The following VIPR2 variants were observed in gnomAD, a reference collection of about 807,000 sequenced individuals.
VIPR2 encodes the protein vasoactive intestinal polypeptide receptor 2.
A neutral mutation model predicts 58.0 loss-of-function variants in VIPR2; 48 were observed. The ratio of observed to expected loss-of-function variants is 0.83; its 90% CI spans 0.66 to 1.05. The LOEUF (loss-of-function observed/expected upper bound fraction) is 1.05. Among genes scored for constraint, VIPR2 ranks in the 50% least tolerant of loss-of-function variants. The pLI, the probability that VIPR2 is intolerant of heterozygous loss-of-function variation, is 0.00. For synonymous variants in VIPR2, 243 were observed against 235.2 expected (o/e 1.03, Z -0.30); for missense variants, 534 against 558.0 (o/e 0.96, Z 0.43).
At chr7:159,118,796 C>T (rs1796342557) in intron 2 of VIPR2, among the ~76,000 whole-genome samples, 1 of 152,266 alleles carries the variant, frequency 6.6e-6, no homozygotes, top group Admixed American at 6.5e-5. Context: ...CTCCCACGGT[C>T]ACTTGGCGCG....
intron 1 of VIPR2, chr7:159,144,379 G>C: frequency 6.5e-7 from 1 of 1,543,560 alleles, no homozygotes; most frequent in Non-Finnish European, 8.7e-7. Context: ...GCCCGCGCAG[G>C]CGCCCGCAGC....
rs1858004232 is a variant in VIPR2 at position 159,098,581 on chromosome 7, C to G, written c.357+5176G>C. On this transcript the variant is annotated intron_variant, in intron 4 of 12. Coordinates refer to ENST00000262178, the MANE Select transcript of VIPR2 (RefSeq NM_003382.5). This position sits in a 1 kb window ranked among gnomAD's most constrained non-coding sequence, Gnocchi z 5.2. Reference sequence around the variant, plus strand: ...ACCATGGCCACGGCTGGTGCGGCCCCTTGGGCTCCAGGTCCAGATGAGATG... The same window carrying G: ...ACCATGGCCACGGCTGGTGCGGCCCGTTGGGCTCCAGGTCCAGATGAGATG... Among the ~76,000 whole-genome samples the G allele has an allele frequency of 6.6e-6, 1 of 152,090 alleles. No homozygotes were observed. Among genetic ancestry groups the G allele is most frequent in the African/African-American group, 2.4e-5 (1 of 41,410 alleles).
intron 4 of VIPR2, among the ~76,000 whole-genome samples, chr7:159,076,823 A>G (rs1357523799): frequency 6.6e-6 from 1 of 152,268 alleles, no homozygotes; most frequent in Non-Finnish European, 1.5e-5. Flanking sequence ...TTTTAAAAAA[A>G]GAAAAGGATA....
At chr7:159,030,846 T>C in intron 12 of VIPR2, 57 bp from the exon 13 acceptor site, 2 of 1,433,510 alleles carry the variant, frequency 1.4e-6, no homozygotes, top group Non-Finnish European at 9.2e-7. Flanking sequence ...GGGCGGCTGC[T>C]ATGGGAAGCG....
intron 4 of VIPR2, among the ~76,000 whole-genome samples, chr7:159,070,349 T>C (rs1856317920): frequency 6.6e-6 from 1 of 152,044 alleles, no homozygotes; most frequent in Non-Finnish European, 1.5e-5. Context: ...TTTTTTTTTT[T>C]AGATTTTCTT....
chr7:159,065,866 A>G (rs1255198509), intron 4 of VIPR2, among the ~76,000 whole-genome samples: 1 of 152,148 alleles, frequency 6.6e-6, no homozygotes, highest in Non-Finnish European at 1.5e-5. Flanking sequence ...TGACCCACAC[A>G]TTGCGTTTAG....
In VIPR2 at chr7:159,063,172, T is replaced by A. The variant is rs115410048; in HGVS notation, c.358-4594A>T. Among the ~76,000 whole-genome samples, 9 of 152,058 alleles carry A rather than the reference T, an allele frequency of 5.9e-5. No homozygotes were observed. The South Asian group carries it at 1.9e-3, about 32-fold the overall frequency. On this transcript the variant is annotated intron_variant, in intron 4 of 12. Coordinates refer to ENST00000262178, the MANE Select transcript of VIPR2 (RefSeq NM_003382.5). ...CCCTTGGGTGGTCCATGGGACCAGG[T>A]GCCGCGGAGCAGGGGGCGGCACTTG... is the stretch of plus-strand genomic sequence containing the variant.
intron 4 of VIPR2, among the ~76,000 whole-genome samples, chr7:159,084,420 T>A (rs2129495035): frequency 6.6e-6 from 1 of 152,318 alleles, no homozygotes; most frequent in Admixed American, 6.5e-5. Context: ...AGACAGGATG[T>A]GGGGGCCCCT....
chr7:159,058,729 C>G lies in VIPR2; in HGVS notation c.358-151G>C, dbSNP rs1205483114. 1.7e-6 allele frequency: 1 copy of G among 604,732 alleles called. No individual in the cohort carries two copies. The highest frequency in any genetic ancestry group is 1.8e-5 in the African/African-American group (1 of 54,186). The allele number at this position is 604,732 out of a possible 1,614,324, so 37.5% of individuals were successfully genotyped here. Reference sequence around the variant, plus strand: ...ATAGTCTCGCTTTATAATTCCACCTCCATTTTGAACCAAAAAATGACACCC... The same window carrying G: ...ATAGTCTCGCTTTATAATTCCACCTGCATTTTGAACCAAAAAATGACACCC... On this transcript the variant is annotated intron_variant, in intron 4 of 12. Transcript: ENST00000262178.
intron 6 of VIPR2, among the ~76,000 whole-genome samples, chr7:159,042,785 G>C (rs1272359266): frequency 6.6e-6 from 1 of 152,162 alleles, no homozygotes; most frequent in Non-Finnish European, 1.5e-5. Context: ...CAGGGCTCAG[G>C]GCCCTTTCAC....
chr7:159,110,619 A>G (rs1290760462), intron 2 of VIPR2, among the ~76,000 whole-genome samples: 10 of 152,216 alleles, frequency 6.6e-5, no homozygotes, highest in Admixed American at 6.5e-4. Flanking sequence ...TATTTATACT[A>G]TATTTGAGAC....
At chr7:159,078,953 C>T (rs143177576) in intron 4 of VIPR2, among the ~76,000 whole-genome samples, 87 of 152,240 alleles carry the variant, frequency 5.7e-4, no homozygotes, top group African/African-American at 2.0e-3. Flanking sequence ...CGCTCCAGTG[C>T]CCACTGACTC....
chr7:159,144,350 T>C (rs1585584111), intron 1 of VIPR2: 1 of 1,536,796 alleles, frequency 6.5e-7, no homozygotes, highest in South Asian at 1.2e-5. Flanking sequence ...CCAACCCCGA[T>C]CTCCCCGTGA....
At chr7:159,114,399 G>A (rs1796155831) in intron 2 of VIPR2, among the ~76,000 whole-genome samples, 2 of 152,198 alleles carry the variant, frequency 1.3e-5, no homozygotes, top group African/African-American at 4.8e-5. Flanking sequence ...CAGATGGAGT[G>A]AGAAACAAAC....
In VIPR2 at chr7:159,037,032, G is replaced by T. The variant is rs1052058115; in HGVS notation, c.598-130C>A. 8 of 1,142,168 alleles carry T rather than the reference G, an allele frequency of 7.0e-6. No homozygotes were observed. The African/African-American group carries it at 1.3e-4, about 18-fold the overall frequency. The allele number at this position is 1,142,168 out of a possible 1,614,324, so 70.8% of individuals were successfully genotyped here. ...AGGAAGGAGACACCGGTGCCATTGG[G>T]AAGGAAAGTGATTAACACAGAGGCC... On this transcript the variant is annotated intron_variant, in intron 6 of 12. Coordinates refer to ENST00000262178, the MANE Select transcript of VIPR2 (RefSeq NM_003382.5).
chr7:159,073,574 C>A (rs1044457436), intron 4 of VIPR2, among the ~76,000 whole-genome samples: 18 of 152,130 alleles, frequency 1.2e-4, no homozygotes, highest in African/African-American at 3.9e-4. Flanking sequence ...TGTGCCACCC[C>A]ACCTGGCTAA....
rs997850649 is a variant in VIPR2 at position 159,030,527 on chromosome 7, G to C, written c.*89C>G. 13 of 1,439,626 alleles carry C rather than the reference G, an allele frequency of 9.0e-6. No homozygotes were observed. The highest frequency in any genetic ancestry group is 1.2e-5 in the Non-Finnish European group (13 of 1,089,220). 89.2% of individuals were successfully genotyped at this position (1,439,626 alleles called of 1,614,324 possible). On this transcript the variant is annotated 3_prime_UTR_variant, in exon 13 of 13. Coordinates refer to ENST00000262178, the MANE Select transcript of VIPR2 (RefSeq NM_003382.5). The stretch of plus-strand genomic sequence containing the variant: ...CGCTGACCTGCCCGACACGGTGCTC[G>C]GGCATCTGGAAGGAGGAAGCCGGCG...
At chr7:159,113,305 CTCTG>C (rs144074004) in intron 2 of VIPR2, among the ~76,000 whole-genome samples, 14,802 of 152,188 alleles carry the variant, frequency 0.097, 810 homozygotes, top group African/African-American at 0.14. Flanking sequence ...TTCTGTTTCA[CTCTG>C]ACCACCCGTG....
At chr7:159,076,661 T>C (rs1032727257) in intron 4 of VIPR2, among the ~76,000 whole-genome samples, 2 of 152,194 alleles carry the variant, frequency 1.3e-5, no homozygotes, top group African/African-American at 4.8e-5. Flanking sequence ...AATTAATGTA[T>C]AAAATAGCTC....
Sources: gnomAD v4.1 joint callset for allele counts (sites outside exome capture counted in the v4.1 genomes callset) on GRCh38, gnomAD v4.1.1 for gene constraint, Gnocchi (gnomAD v3.1) non-coding constraint, MANE v1.5 for transcripts, NCBI Gene and HGNC (gene_info 2026-07-23, HGNC 2026-07-21) for gene names.